AFF2: variants seen among roughly 807,000 people sequenced by gnomAD.
AFF2 encodes ALF transcription elongation factor 2, also known as AF4/FMR2 family member 2.
In AFF2, 14 loss-of-function variants were observed where a neutral mutation model predicts 76.9. That is an observed-to-expected ratio of 0.18 (90% CI 0.12 to 0.28). The LOEUF (loss-of-function observed/expected upper bound fraction) is 0.28, where lower values mean the gene tolerates loss of function less well. AFF2 is among the 10% of genes least tolerant of loss of function. The pLI is 1.00. For missense variants in AFF2, 868 were observed against 1,001.1 expected, an observed-to-expected ratio of 0.87 and a Z score of 1.79; for synonymous variants, 398 against 366.7, an observed-to-expected ratio of 1.09 and a Z score of -0.98.
intron 1 of AFF2, among the ~76,000 whole-genome samples, chrX:148,648,591 G>GA (rs1262710013): frequency 2.2e-5 from 2 of 89,404 alleles, no homozygotes; most frequent in Non-Finnish European, 4.5e-5. Context: ...AAAAAGAAAA[G>GA]AAAAAAAATC....
intron 4 of AFF2, among the ~76,000 whole-genome samples, chrX:148,827,982 C>A: frequency 9.0e-6 from 1 of 110,510 alleles, no homozygotes; most frequent in East Asian, 2.8e-4. Flanking sequence ...ACATCTCATG[C>A]TGTGAGGATA....
chrX:148,827,014 G>A (rs1557273002), intron 4 of AFF2, among the ~76,000 whole-genome samples: 1 of 111,502 alleles, frequency 9.0e-6, no homozygotes, highest in East Asian at 2.8e-4. Flanking sequence ...GACATCTTGT[G>A]ATAGATTTGT....
At chrX:148,656,677 T>C (rs1385205393) in intron 2 of AFF2, among the ~76,000 whole-genome samples, 2 of 105,493 alleles carry the variant, frequency 1.9e-5, no homozygotes, top group African/African-American at 3.5e-5. Flanking sequence ...TTTTTTGTAT[T>C]TTTTAGTAGA....
chrX:148,566,428 T>TCA (rs1419888680), intron 1 of AFF2, among the ~76,000 whole-genome samples: 1 of 109,128 alleles, frequency 9.2e-6, no homozygotes, highest in Non-Finnish European at 1.9e-5. Context: ...ATTTGTTTTA[T>TCA]TATATATATA....
intron 1 of AFF2, among the ~76,000 whole-genome samples, chrX:148,576,188 C>A (rs1323474744): frequency 1.1e-4 from 12 of 111,757 alleles, no homozygotes; most frequent in African/African-American, 3.2e-4. Context: ...AGATGCTTTG[C>A]TGCAGTTTGT....
chrX:148,772,106 T>C (rs1022372713), intron 3 of AFF2, among the ~76,000 whole-genome samples: 74 of 112,133 alleles, frequency 6.6e-4, no homozygotes, highest in Non-Finnish European at 1.2e-3. Context: ...TTTATGGGCA[T>C]CCTTACATCT....
At chrX:148,765,204 C>G (rs1226481244) in intron 3 of AFF2, among the ~76,000 whole-genome samples, 1 of 111,506 alleles carries the variant, frequency 9.0e-6, no homozygotes, top group Non-Finnish European at 1.9e-5. Context: ...CTTTTCTTTA[C>G]CTCTTGTTCT....
intron 1 of AFF2, among the ~76,000 whole-genome samples, chrX:148,634,211 G>T (rs1704671440): frequency 9.0e-6 from 1 of 111,657 alleles, no homozygotes; most frequent in African/African-American, 3.3e-5. Context: ...TGTCTTTTAG[G>T]GTAATTTTCC....
At chrX:148,614,370 T>C (rs1051337033) in intron 1 of AFF2, among the ~76,000 whole-genome samples, 1 of 112,022 alleles carries the variant, frequency 8.9e-6, no homozygotes, top group African/African-American at 3.2e-5. Flanking sequence ...ATGAATCTAA[T>C]GCTAGAGGCC....
intron 19 of AFF2, among the ~76,000 whole-genome samples, chrX:148,984,635 T>C (rs998665648): frequency 8.9e-6 from 1 of 112,081 alleles, no homozygotes; most frequent in African/African-American, 3.2e-5. Context: ...AAACAGACAC[T>C]TATCCTAGCT....
At chrX:148,913,211 C>G (rs782813560) in intron 9 of AFF2, among the ~76,000 whole-genome samples, 3 of 112,154 alleles carry the variant, frequency 2.7e-5, no homozygotes, top group Non-Finnish European at 5.6e-5. Flanking sequence ...AGCAAACTGC[C>G]CAGAACCCCA....
chrX:148,908,365 G>A (rs61392723), intron 9 of AFF2, among the ~76,000 whole-genome samples: 1,440 of 112,085 alleles, frequency 0.013, 21 homozygotes, highest in African/African-American at 0.044. Context: ...AAAGACAGGC[G>A]TAAGAAATTA....
intron 1 of AFF2, among the ~76,000 whole-genome samples, chrX:148,528,562 G>A (rs1487479077): frequency 9.0e-6 from 1 of 111,445 alleles, no homozygotes; most frequent in Non-Finnish European, 1.9e-5. Flanking sequence ...ATTGGGGCTA[G>A]GCATGATGTT....
intron 3 of AFF2, among the ~76,000 whole-genome samples, chrX:148,704,909 C>T (rs1186898018): frequency 9.1e-6 from 1 of 110,320 alleles, no homozygotes; most frequent in Non-Finnish European, 1.9e-5. Context: ...TCAAGCAATC[C>T]TCCCACCTCG....
intron 3 of AFF2, among the ~76,000 whole-genome samples, chrX:148,778,166 G>A (rs991584276): frequency 2.1e-4 from 24 of 111,813 alleles, no homozygotes; most frequent in South Asian, 7.5e-4. Flanking sequence ...ATTGTTTTGC[G>A]TGTGTTGAAC....
At chrX:148,574,380 G>A (rs1557243021) in intron 1 of AFF2, among the ~76,000 whole-genome samples, 1 of 111,165 alleles carries the variant, frequency 9.0e-6, no homozygotes, top group African/African-American at 3.3e-5. Flanking sequence ...GGTTGGTGTC[G>A]ACAAGGCCAA....
At chrX:148,690,648 A>AGAGT (rs1351078712) in intron 3 of AFF2, among the ~76,000 whole-genome samples, 2 of 112,436 alleles carry the variant, frequency 1.8e-5, no homozygotes, top group African/African-American at 6.5e-5. Flanking sequence ...TTGAGAGGCA[A>AGAGT]GAGTGTTTAG....
chrX:148,693,990 T>C (rs1557261019), intron 3 of AFF2, among the ~76,000 whole-genome samples: 1 of 110,972 alleles, frequency 9.0e-6, no homozygotes, highest in Non-Finnish European at 1.9e-5. Context: ...TATGCAGCCG[T>C]AAAAAATGAT....
intron 4 of AFF2, among the ~76,000 whole-genome samples, chrX:148,820,228 G>A (rs1293428421): frequency 9.0e-6 from 1 of 111,299 alleles, no homozygotes; most frequent in African/African-American, 3.3e-5. Flanking sequence ...CACCTTTACT[G>A]TGTGCATCTT....
Sources: gnomAD v4.1 joint callset for allele counts (sites outside exome capture counted in the v4.1 genomes callset) on GRCh38, gnomAD v4.1.1 for gene constraint, MANE v1.5 for transcripts, NCBI Gene and HGNC (gene_info 2026-07-23, HGNC 2026-07-21) for gene names.